CNTNAP2: variants seen among roughly 807,000 people sequenced by gnomAD.
CNTNAP2 encodes contactin-associated protein-like 2.
Under a neutral mutation model 155.2 loss-of-function variants are expected in CNTNAP2, and 98 were observed. That is an observed-to-expected ratio of 0.63 (90% CI 0.54 to 0.75). The LOEUF (loss-of-function observed/expected upper bound fraction) is 0.75. CNTNAP2 is among the 30% of genes least tolerant of loss of function. CNTNAP2 has a pLI of 0.00. For synonymous variants in CNTNAP2, 651 were observed against 631.2 expected, an observed-to-expected ratio of 1.03 and a Z score of -0.47; for missense variants, 1,727 against 1,688.1, an observed-to-expected ratio of 1.02 and a Z score of -0.40.
chr7:147,872,249 A>G (rs1053823180), intron 13 of CNTNAP2, among the ~76,000 whole-genome samples: 1 of 152,238 alleles, frequency 6.6e-6, no homozygotes, highest in Non-Finnish European at 1.5e-5. Context: ...GAGTGTTAAC[A>G]TATCAGATCC....
intron 1 of CNTNAP2, among the ~76,000 whole-genome samples, chr7:146,467,306 G>T (rs575974119): frequency 6.6e-6 from 1 of 152,226 alleles, no homozygotes; most frequent in African/African-American, 2.4e-5. Flanking sequence ...CCAAGTATTT[G>T]TGATGGAGTC....
intron 1 of CNTNAP2, among the ~76,000 whole-genome samples, chr7:146,509,707 C>T (rs1005107089): frequency 1.3e-5 from 2 of 152,220 alleles, no homozygotes; most frequent in Admixed American, 6.5e-5. Flanking sequence ...AACCTGTGTA[C>T]GTCGGCCTTC....
intron 1 of CNTNAP2, among the ~76,000 whole-genome samples, chr7:146,179,815 A>T (rs143921356): frequency 6.6e-6 from 1 of 152,198 alleles, no homozygotes; most frequent in East Asian, 1.9e-4. Flanking sequence ...AAAAAGTTTC[A>T]GGAAGATAAT....
At chr7:147,979,779 T>A (rs1425089302) in intron 15 of CNTNAP2, among the ~76,000 whole-genome samples, 2 of 152,050 alleles carry the variant, frequency 1.3e-5, no homozygotes, top group East Asian at 3.9e-4. Flanking sequence ...CACGCCACCA[T>A]GCCCGACTGA....
chr7:146,698,444 T>A (rs1275272484), intron 1 of CNTNAP2, among the ~76,000 whole-genome samples: 2 of 152,136 alleles, frequency 1.3e-5, no homozygotes, highest in Non-Finnish European at 2.9e-5. Flanking sequence ...CTTTTATTTG[T>A]TTTTATTTAA....
chr7:147,912,639 C>T (rs1166504311), intron 14 of CNTNAP2, among the ~76,000 whole-genome samples: 1 of 152,160 alleles, frequency 6.6e-6, no homozygotes, highest in South Asian at 2.1e-4. Flanking sequence ...GGAGCCCAGC[C>T]CCTGAGACCC....
intron 8 of CNTNAP2, among the ~76,000 whole-genome samples, chr7:147,159,569 T>C (rs1256821129): frequency 6.6e-6 from 1 of 152,142 alleles, no homozygotes; most frequent in African/African-American, 2.4e-5. Context: ...TCAGTCTTCA[T>C]ATTAATATTT....
At chr7:147,812,564 C>T (rs1798197574) in intron 13 of CNTNAP2, among the ~76,000 whole-genome samples, 1 of 151,572 alleles carries the variant, frequency 6.6e-6, no homozygotes, top group Admixed American at 6.6e-5. Flanking sequence ...AACGTGTCCA[C>T]TCATTCTACT....
At chr7:146,218,525 A>G (rs1226995259) in intron 1 of CNTNAP2, among the ~76,000 whole-genome samples, 1 of 82,262 alleles carries the variant, frequency 1.2e-5, no homozygotes. Flanking sequence ...AAAAACAAAA[A>G]CAAAAACAAA....
chr7:146,818,099 G>C (rs185743118), intron 2 of CNTNAP2, among the ~76,000 whole-genome samples: 1 of 152,072 alleles, frequency 6.6e-6, no homozygotes, highest in East Asian at 1.9e-4. Context: ...TGTTTATAGT[G>C]TTTTTTCTCA....
chr7:147,484,993 G>C (rs1395565756), intron 10 of CNTNAP2, among the ~76,000 whole-genome samples: 1 of 152,180 alleles, frequency 6.6e-6, no homozygotes, highest in Non-Finnish European at 1.5e-5. Context: ...TCAGGTTGTG[G>C]GGTAGATGGA....
intron 1 of CNTNAP2, among the ~76,000 whole-genome samples, chr7:146,317,916 CG>C (rs1800936529): frequency 6.6e-6 from 1 of 152,088 alleles, no homozygotes; most frequent in Non-Finnish European, 1.5e-5. Flanking sequence ...CGAAGGAGGG[CG>C]GATCACGAGG....
intron 2 of CNTNAP2, among the ~76,000 whole-genome samples, chr7:146,794,210 C>T (rs1802726911): frequency 6.6e-6 from 1 of 152,150 alleles, no homozygotes; most frequent in Admixed American, 6.5e-5. Context: ...ATTACTCTGG[C>T]ATTGTGTAAA....
At chr7:146,662,348 G>A (rs1435398818) in intron 1 of CNTNAP2, among the ~76,000 whole-genome samples, 3 of 80,978 alleles carry the variant, frequency 3.7e-5, no homozygotes, top group African/African-American at 8.8e-5. Context: ...ATATTGGCCA[G>A]GCTGGCCTCC....
chr7:147,601,849 A>G (rs116286352), intron 12 of CNTNAP2, among the ~76,000 whole-genome samples: 221 of 151,750 alleles, frequency 1.5e-3, no homozygotes, highest in African/African-American at 4.9e-3. Flanking sequence ...TAATTTTTAG[A>G]TTCAATCTTT....
At chr7:147,800,553 G>T (rs538155508) in intron 13 of CNTNAP2, among the ~76,000 whole-genome samples, 1 of 151,492 alleles carries the variant, frequency 6.6e-6, no homozygotes, top group East Asian at 1.9e-4. Context: ...ATCTCCCTAC[G>T]TTTGTTGCCA....
intron 20 of CNTNAP2, among the ~76,000 whole-genome samples, chr7:148,239,795 C>T (rs993980439): frequency 2.0e-5 from 3 of 152,118 alleles, no homozygotes; most frequent in African/African-American, 7.2e-5. Flanking sequence ...TCTGGCCAGC[C>T]CGTATGCAAG....
intron 1 of CNTNAP2, among the ~76,000 whole-genome samples, chr7:146,501,108 A>G (rs540396104): frequency 6.6e-6 from 1 of 151,808 alleles, no homozygotes; most frequent in East Asian, 1.9e-4. Context: ...ATATTTTTGG[A>G]TGATGCAGTC....
intron 10 of CNTNAP2, among the ~76,000 whole-genome samples, chr7:147,485,420 T>C (rs895556667): frequency 1.3e-5 from 2 of 152,120 alleles, no homozygotes; most frequent in African/African-American, 4.8e-5. Context: ...CAGTGGGAAA[T>C]AGGTGTTTGG....
Sources: gnomAD v4.1 joint callset for allele counts (sites outside exome capture counted in the v4.1 genomes callset) on GRCh38, gnomAD v4.1.1 for gene constraint, MANE v1.5 for transcripts, NCBI Gene and HGNC (gene_info 2026-07-23, HGNC 2026-07-21) for gene names.